The following OR51M1 variants were observed in gnomAD, a reference collection of about 807,000 sequenced individuals.
OR51M1 encodes the protein olfactory receptor family 51 subfamily M member 1, also known as olfactory receptor 51M1.
For missense variants in OR51M1, 509 were observed against 404.4 expected (o/e 1.26, Z -2.22); for synonymous variants, 199 against 155.1 (o/e 1.28, Z -2.10).
At chr11:5,387,768 G>T (rs1020006476) in intron 2 of OR51M1, among the ~76,000 whole-genome samples, 1 of 151,984 alleles carries the variant, frequency 6.6e-6, no homozygotes, top group Non-Finnish European at 1.5e-5. Context: ...CTTGCCCTCT[G>T]ATTTTGATTT....
chr11:5,386,370 C>T (rs1022825992), intron 2 of OR51M1, among the ~76,000 whole-genome samples: 14 of 152,106 alleles, frequency 9.2e-5, no homozygotes, highest in African/African-American at 3.4e-4. Context: ...ATATCTTATC[C>T]TGATTTTCGC....
At position 5,390,164 on chromosome 11, in the gene OR51M1, C is replaced by CATCG. The variant is rs769772193; in HGVS notation, c.766_767insATCG (p.Pro256HisfsTer46). The CATCG allele has an allele frequency of 4.8e-5, 77 of 1,613,764 alleles. No homozygotes were observed. Among genetic ancestry groups the CATCG allele is most frequent in the Non-Finnish European group, 6.4e-5 (76 of 1,179,842 alleles). On this transcript the variant is annotated frameshift_variant, in exon 3 of 3. Transcript: ENST00000642046. LOFTEE classifies it low-confidence loss of function (END_TRUNC). Reference sequence around the variant, plus strand: ...CCGTGCCTTTCAGACATGCACCGCTCCTCTCTGTGCTGTGCTAGTATTCTT... The same window carrying CATCG: ...CCGTGCCTTTCAGACATGCACCGCTCATCGCTCTCTGTGCTGTGCTAGTATTCTT...
rs140538305 is a variant in OR51M1, at chr11:5,385,543, C to T, written c.-16+85C>T. ...GTACCTACCACATCTTAGACACTGT[C>T]AGGCTCCAGGGGCCTTTAGAGAATT... On this transcript the variant is annotated intron_variant, in intron 2 of 2. Coordinates refer to ENST00000642046, the MANE Select transcript of OR51M1 (RefSeq NM_001004756.3). 2.9e-3 allele frequency: 443 copies of T among 152,208 alleles called. 1 individual carries two copies. Among genetic ancestry groups the T allele is most frequent in the African/African-American group, 0.01 (419 of 41,550 alleles). The allele number at this position is 152,208 out of a possible 1,614,324, so 9.4% of individuals were successfully genotyped here.
intron 2 of OR51M1, among the ~76,000 whole-genome samples, chr11:5,387,239 C>T (rs538853666): frequency 6.6e-6 from 1 of 152,014 alleles, no homozygotes; most frequent in African/African-American, 2.4e-5. Flanking sequence ...CTAGAGAGAG[C>T]TCTAAAAAGG....
In OR51M1 at chr11:5,390,255, T is replaced by G. The variant is rs919588226; in HGVS notation, c.857T>G (p.Leu286Arg). 8 of 1,614,050 alleles carry G rather than the reference T, an allele frequency of 5.0e-6. No homozygotes were observed. Among genetic ancestry groups the G allele is most frequent in the Non-Finnish European group, 6.8e-6 (8 of 1,179,892 alleles). Reference sequence around the variant, plus strand: ...AAGCATGCCCCACCTGCTATTCATCTTCTTATGGCCAATGTCTACCTTTTT... The same window carrying G: ...AAGCATGCCCCACCTGCTATTCATCGTCTTATGGCCAATGTCTACCTTTTT... ...FGKHAPPAIHLLMANVYLFVP... is the reference protein window; with the variant it reads ...FGKHAPPAIHRLMANVYLFVP... Residue 286 changes from leucine to arginine, a missense_variant, in exon 3 of 3, where the codon CTT becomes CGT. Transcript: ENST00000642046.
intron 2 of OR51M1, among the ~76,000 whole-genome samples, chr11:5,386,886 T>G (rs1010456918): frequency 1.4e-4 from 21 of 151,972 alleles, no homozygotes; most frequent in Non-Finnish European, 3.1e-4. Flanking sequence ...TGAATAATAT[T>G]ATAAAAAATG....
intron 2 of OR51M1, among the ~76,000 whole-genome samples, chr11:5,387,609 G>C (rs2173414): frequency 0.78 from 118,824 of 152,104 alleles, 46,826 homozygotes; most frequent in Middle Eastern, 0.84. Context: ...ACTTCAAGTG[G>C]ATTTGCCACC....
chr11:5,390,621 G>T lies in OR51M1; in HGVS notation c.*242G>T. 1 of 441,388 alleles carries T rather than the reference G, an allele frequency of 2.3e-6. No homozygotes were observed. The highest frequency in any genetic ancestry group is 5.7e-5 in the South Asian group (1 of 17,692). The allele number at this position is 441,388 out of a possible 1,614,324, so 27.3% of individuals were successfully genotyped here. ...TGGTAGCATCAAAGCTATCCAGAAG[G>T]CAACTTTATTGAAGGTCATCATCAA... On this transcript the variant is annotated 3_prime_UTR_variant, in exon 3 of 3. Coordinates refer to ENST00000642046, the MANE Select transcript of OR51M1 (RefSeq NM_001004756.3).
Position 5,390,153 on chromosome 11 carries a change from CA to C in OR51M1, c.756del (p.Cys253AlafsTer9). 6.2e-7 allele frequency: 1 copy of C among 1,613,894 alleles called. No individual in the cohort carries two copies. The highest frequency in any genetic ancestry group is 8.5e-7 in the Non-Finnish European group (1 of 1,179,840). ...GAGGAGCAGCGCCGTGCCTTTCAGA[CA>C]TGCACCGCTCCTCTCTGTGCTGTGC... Reference protein sequence around the residue: ...SQEEQRRAFQTCTAPLCAVLV... With the variant: ...SQEEQRRAFQXCTAPLCAVLV... On this transcript the variant is annotated frameshift_variant, in exon 3 of 3. Transcript: ENST00000642046. LOFTEE classifies it low-confidence loss of function (END_TRUNC).
In OR51M1 at chr11:5,392,387, T is replaced by C. The variant is rs1344672748; in HGVS notation, c.*2008T>C. ...TGAGAGGAAATTCCTATTCTATAGA[T>C]CTCATTTGGTAGAATGGGGTACAAA... is the stretch of plus-strand genomic sequence containing the variant. On this transcript the variant is annotated 3_prime_UTR_variant, in exon 3 of 3. Transcript: ENST00000642046. The C allele has an allele frequency of 1.3e-5, 2 of 152,228 alleles. No homozygotes were observed. The highest frequency in any genetic ancestry group is 4.8e-5 in the African/African-American group (2 of 41,458). The allele number at this position is 152,228 out of a possible 1,614,324, so 9.4% of individuals were successfully genotyped here.
At chr11:5,388,692 C>T (rs1849741383) in intron 2 of OR51M1, among the ~76,000 whole-genome samples, 2 of 151,414 alleles carry the variant, frequency 1.3e-5, no homozygotes, top group Admixed American at 1.3e-4. Context: ...TTTTTTACTT[C>T]ATTAAAAACT....
Position 5,384,166 on chromosome 11 carries a change from T to C in OR51M1, c.-122+249T>C, listed in dbSNP as rs7927017. Among the ~76,000 whole-genome samples the C allele has an allele frequency of 2.9e-3, 443 of 152,220 alleles. 1 individual carries two copies. Among genetic ancestry groups the C allele is most frequent in the African/African-American group, 0.01 (419 of 41,540 alleles). ...ATTTTTTTTTCTTTGTTTTCTTTTG[T>C]TGTTGTTTCTTTGTTTGTTGTTTTT... On this transcript the variant is annotated intron_variant, in intron 1 of 2. Transcript: ENST00000642046.
chr11:5,390,383 C>T lies in OR51M1; in HGVS notation c.*4C>T, dbSNP rs953317815. On this transcript the variant is annotated 3_prime_UTR_variant, in exon 3 of 3. Transcript: ENST00000642046. ...TCTTAAAAAGGCCAGTAAATGAGTCCTGGGGCTAAAACTCCCCCTAGAGGC... is the reference window on the plus strand; with the variant it reads ...TCTTAAAAAGGCCAGTAAATGAGTCTTGGGGCTAAAACTCCCCCTAGAGGC... The T allele has an allele frequency of 2.5e-6, 4 of 1,580,670 alleles. No individual in the cohort carries two copies. Among genetic ancestry groups the T allele is most frequent in the African/African-American group, 1.3e-5 (1 of 74,344 alleles).
chr11:5,387,730 G>T (rs1321548930), intron 2 of OR51M1, among the ~76,000 whole-genome samples: 1 of 50,368 alleles, frequency 2.0e-5, no homozygotes, highest in Admixed American at 1.9e-4. Context: ...CTCCTTCCTT[G>T]AATGTTTTTC....
intron 2 of OR51M1, 70 bp from the exon 3 acceptor site, chr11:5,389,314 A>T: frequency 7.8e-7 from 1 of 1,276,822 alleles, no homozygotes; most frequent in Non-Finnish European, 1.1e-6. Context: ...TGACCATGGT[A>T]CTGCTTGTGA....
At chr11:5,388,960 AT>A (rs1849746234) in intron 2 of OR51M1, among the ~76,000 whole-genome samples, 1 of 152,224 alleles carries the variant, frequency 6.6e-6, no homozygotes, top group East Asian at 1.9e-4. Flanking sequence ...CACTGAGATA[AT>A]GAAAAGTACA....
At position 5,389,541 on chromosome 11, in the gene OR51M1, T is replaced by A. The variant is rs186800052; in HGVS notation, c.143T>A (p.Met48Lys). Reference protein sequence around the residue: ...WIFIPFFFMYMVAISGNCFIL... With the variant: ...WIFIPFFFMYKVAISGNCFIL... The stretch of plus-strand genomic sequence containing the variant: ...TTCATCCCCTTTTTCTTTATGTACA[T>A]GGTTGCCATCTCAGGCAATTGTTTC... Residue 48 changes from methionine (M) to lysine (K), a missense_variant, in exon 3 of 3, where the codon ATG becomes AAG. Coordinates refer to ENST00000642046, the MANE Select transcript of OR51M1 (RefSeq NM_001004756.3). 49 of 1,613,962 alleles carry A rather than the reference T, an allele frequency of 3.0e-5. No homozygotes were observed. The African/African-American group carries it at 5.1e-4, about 17-fold the overall frequency.
At chr11:5,385,933 ATAAG>A (rs1452204958) in intron 2 of OR51M1, among the ~76,000 whole-genome samples, 2 of 131,014 alleles carry the variant, frequency 1.5e-5, no homozygotes, top group Admixed American at 7.8e-5. Flanking sequence ...ATATGGATGT[ATAAG>A]TATGTTCTAT....
In OR51M1 at chr11:5,390,411, A is replaced by G. The variant is rs765328025; in HGVS notation, c.*32A>G. 3 of 1,516,560 alleles carry G rather than the reference A, an allele frequency of 2.0e-6. No individual in the cohort carries two copies. Among genetic ancestry groups the G allele is most frequent in the African/African-American group, 1.4e-5 (1 of 72,108 alleles). 93.9% of individuals were successfully genotyped at this position (1,516,560 alleles called of 1,614,324 possible). A position where few individuals can be genotyped will look rare whatever the true frequency, so the allele number is the denominator to read the frequency against. On this transcript the variant is annotated 3_prime_UTR_variant, in exon 3 of 3. Transcript: ENST00000642046. The stretch of plus-strand genomic sequence containing the variant: ...GGGCTAAAACTCCCCCTAGAGGCCT[A>G]TAAGAAGGCCCCAAATTGGACTGAA...
Sources: gnomAD v4.1 joint callset for allele counts (sites outside exome capture counted in the v4.1 genomes callset) on GRCh38, gnomAD v4.1.1 for gene constraint, MANE v1.5 for transcripts, NCBI Gene and HGNC (gene_info 2026-07-23, HGNC 2026-07-21) for gene names.